The following TAFA5 variants were observed in gnomAD, a reference collection of about 807,000 sequenced individuals.
TAFA5 encodes the protein TAFA chemokine like family member 5.
A neutral mutation model predicts 15.3 loss-of-function variants in TAFA5; 6 were observed. The ratio of observed to expected loss-of-function variants is 0.39; its 90% CI spans 0.21 to 0.77. The LOEUF is 0.77. TAFA5 is among the 30% of genes least tolerant of loss of function. The pLI is 0.41. For synonymous variants in TAFA5, 103 were observed against 80.7 expected (o/e 1.28, Z -1.48); for missense variants, 161 against 193.1 (o/e 0.83, Z 0.98).
chr22:48,669,076 TC>T (rs1927718695), intron 2 of TAFA5, among the ~76,000 whole-genome samples: 2 of 152,246 alleles, frequency 1.3e-5, no homozygotes, highest in South Asian at 4.1e-4. Context: ...CCTCCCCACT[TC>T]CCCGACGTGA....
At chr22:48,545,182 C>T in intron 1 of TAFA5, 1 of 315,994 alleles carries the variant, frequency 3.2e-6, no homozygotes, top group Non-Finnish European at 6.3e-6. Context: ...CTTGCTCTGC[C>T]CTCCCCTCAG....
At chr22:48,656,254 C>T (rs1927240087) in intron 2 of TAFA5, among the ~76,000 whole-genome samples, 1 of 152,030 alleles carries the variant, frequency 6.6e-6, no homozygotes, top group Non-Finnish European at 1.5e-5. Flanking sequence ...GTTAAATTTT[C>T]AGGAAATGTG....
At chr22:48,582,207 G>C (rs1318118760) in intron 1 of TAFA5, among the ~76,000 whole-genome samples, 1 of 151,148 alleles carries the variant, frequency 6.6e-6, no homozygotes, top group East Asian at 2.0e-4. Context: ...CACACTACAC[G>C]ATGCACACAC....
chr22:48,496,911 C>T (rs1164704298), intron 1 of TAFA5, among the ~76,000 whole-genome samples: 3 of 152,212 alleles, frequency 2.0e-5, no homozygotes, highest in African/African-American at 7.2e-5. Context: ...ACCACTAACA[C>T]AGTAACAGGC....
At chr22:48,690,775 A>G (rs975649460) in intron 2 of TAFA5, among the ~76,000 whole-genome samples, 10 of 152,098 alleles carry the variant, frequency 6.6e-5, no homozygotes, top group South Asian at 2.1e-4. Flanking sequence ...TACAGCCCCA[A>G]TGAGTGGCCT....
chr22:48,512,965 C>T (rs1921277456), intron 1 of TAFA5, among the ~76,000 whole-genome samples: 1 of 146,442 alleles, frequency 6.8e-6, no homozygotes, highest in Admixed American at 6.8e-5. Flanking sequence ...GAGAGACTAA[C>T]TGAAAAGAAG....
intron 1 of TAFA5, chr22:48,546,692 C>A: frequency 2.3e-6 from 1 of 436,930 alleles, no homozygotes. Context: ...GGGGGGCTCA[C>A]CTCCATTCCT....
At chr22:48,642,025 G>A (rs953307813) in intron 1 of TAFA5, among the ~76,000 whole-genome samples, 5 of 152,166 alleles carry the variant, frequency 3.3e-5, no homozygotes, top group Non-Finnish European at 5.9e-5. Flanking sequence ...TGCTGGCATC[G>A]TGGGTGGACC....
chr22:48,555,591 C>T (rs930929468), intron 1 of TAFA5, among the ~76,000 whole-genome samples: 2 of 152,194 alleles, frequency 1.3e-5, no homozygotes, highest in African/African-American at 4.8e-5. Flanking sequence ...TCCGCAAACC[C>T]ACTGAACACT....
At position 48,576,655 on chromosome 22, in the gene TAFA5, C is replaced by G; in HGVS notation, c.113-69942C>G. 8.1e-6 allele frequency: 10 copies of G among 1,236,028 alleles called. No individual in the cohort carries two copies. In the South Asian group the frequency reaches 3.0e-4, roughly 37 times the overall value. The allele number at this position is 1,236,028 out of a possible 1,614,324, so 76.6% of individuals were successfully genotyped here. On this transcript the variant is annotated intron_variant, in intron 1 of 3. Transcript: ENST00000402357. The stretch of plus-strand genomic sequence containing the variant: ...CCGGCGCCCGACCCGGCTTCCAGCA[C>G]GTTCCGCTGCCGCCGCGCTCGGCTG...
chr22:48,613,201 G>A (rs1335001792), intron 1 of TAFA5, among the ~76,000 whole-genome samples: 17 of 152,162 alleles, frequency 1.1e-4, no homozygotes, highest in Admixed American at 8.5e-4. Flanking sequence ...GAGTCACGCC[G>A]TATTCCTCCT....
At position 48,540,407 on chromosome 22, in the gene TAFA5, GC is replaced by G. The variant is rs1196814914; in HGVS notation, c.112+50706del. 3.3e-5 allele frequency among the ~76,000 whole-genome samples: 5 copies of G among 152,044 alleles called. No homozygotes were observed. The East Asian group carries it at 9.7e-4, about 30-fold the overall frequency. On this transcript the variant is annotated intron_variant, in intron 1 of 3. Coordinates refer to ENST00000402357, the MANE Select transcript of TAFA5 (RefSeq NM_001082967.3). ...AGAATCCCTCTCCGAGGCCACTTGTGCCCAGAACTGACACCCGCCATGGGAA... is the reference window on the plus strand; with the variant it reads ...AGAATCCCTCTCCGAGGCCACTTGTGCCAGAACTGACACCCGCCATGGGAA...
chr22:48,563,659 G>T (rs999179885), intron 1 of TAFA5, among the ~76,000 whole-genome samples: 2 of 152,178 alleles, frequency 1.3e-5, no homozygotes, highest in Non-Finnish European at 2.9e-5. Flanking sequence ...CCAACAGGCT[G>T]GGGCATGGCC....
At chr22:48,579,507 C>T (rs902341131) in intron 1 of TAFA5, among the ~76,000 whole-genome samples, 10 of 152,190 alleles carry the variant, frequency 6.6e-5, no homozygotes, top group South Asian at 2.1e-4. Context: ...ATGGAAGAGC[C>T]GGCCGCTTCC....
At chr22:48,582,719 T>TAC (rs1924115770) in intron 1 of TAFA5, among the ~76,000 whole-genome samples, 1 of 40,718 alleles carries the variant, frequency 2.5e-5, no homozygotes. Context: ...CACCACACAC[T>TAC]ACACTCAAAA....
intron 1 of TAFA5, among the ~76,000 whole-genome samples, chr22:48,633,588 C>T (rs1926326675): frequency 6.6e-6 from 1 of 151,400 alleles, no homozygotes; most frequent in South Asian, 2.1e-4. Flanking sequence ...CTGTATCTCT[C>T]TCTTTTCCCT....
At chr22:48,613,667 G>A (rs1006312405) in intron 1 of TAFA5, among the ~76,000 whole-genome samples, 6 of 152,330 alleles carry the variant, frequency 3.9e-5, no homozygotes, top group East Asian at 3.9e-4. Context: ...GCTCCAGTCC[G>A]CAGTGTGATC....
intron 1 of TAFA5, among the ~76,000 whole-genome samples, chr22:48,584,024 C>CATGCA (rs1924220424): frequency 6.9e-6 from 1 of 145,112 alleles, no homozygotes; most frequent in African/African-American, 2.6e-5. Flanking sequence ...ACACCACACG[C>CATGCA]CACACACCAC....
At chr22:48,630,525 T>C (rs760445664) in intron 1 of TAFA5, among the ~76,000 whole-genome samples, 11 of 152,148 alleles carry the variant, frequency 7.2e-5, no homozygotes, top group Non-Finnish European at 1.2e-4. Context: ...CTTTCCAGCC[T>C]CGCTCGGGCC....
Sources: allele counts gnomAD v4.1 joint callset (sites outside exome capture counted in the v4.1 genomes callset), GRCh38; gene constraint gnomAD v4.1.1; transcripts MANE v1.5; gene names NCBI Gene and HGNC (gene_info 2026-07-23, HGNC 2026-07-21).